CCAR2: variants seen among roughly 807,000 people sequenced by gnomAD.
CCAR2 encodes cell cycle and apoptosis regulator protein 2.
CCAR2 carries 21 observed loss-of-function variants against 108.1 expected under a neutral mutation model. That is an observed-to-expected ratio of 0.19 (90% CI 0.14 to 0.28). The LOEUF (loss-of-function observed/expected upper bound fraction) is 0.28. Among genes scored for constraint, CCAR2 ranks in the 10% least tolerant of loss-of-function variants. CCAR2 has a pLI of 1.00. For synonymous variants in CCAR2, 577 were observed against 472.8 expected, an observed-to-expected ratio of 1.22 and a Z score of -2.86; for missense variants, 1,126 against 1,177.0, an observed-to-expected ratio of 0.96 and a Z score of 0.63.
rs369123974 is a variant in CCAR2, at chr8:22,618,787, G to A, written c.2333-40G>A. The A allele has an allele frequency of 6.8e-6, 11 of 1,613,286 alleles. No individual in the cohort carries two copies. The African/African-American group carries it at 1.1e-4, about 16-fold the overall frequency. On this transcript the variant is annotated intron_variant, in intron 18 of 20. Transcript: ENST00000308511. ...ACGGGCAGGGCAGGCTGCCCTCTCT[G>A]GAGACTCCATCCTGAATTCTTTTTC...
Position 22,618,608 on chromosome 8 carries a change from T to C in CCAR2, c.2221-9T>C. On this transcript the variant is annotated splice_polypyrimidine_tract_variant and intron_variant, in intron 17 of 20. Transcript: ENST00000308511. ...GGGGCCTTCTGATCAGCAGATGTGT[T>C]TTCTGCAGGCCAAGCAGCTGGTCAG... 6.2e-7 allele frequency: 1 copy of C among 1,614,046 alleles called. No individual in the cohort carries two copies. Among genetic ancestry groups the C allele is most frequent in the South Asian group, 1.1e-5 (1 of 91,080 alleles).
rs374484328 is a variant in CCAR2 at position 22,614,190 on chromosome 8, C to G, written c.803C>G (p.Pro268Arg). 20 of 1,614,010 alleles carry G rather than the reference C, an allele frequency of 1.2e-5. No individual in the cohort carries two copies. The highest frequency in any genetic ancestry group is 1.6e-4 in the Middle Eastern group (1 of 6,084). Residue 268 changes from proline to arginine, a missense_variant, in exon 9 of 21, where the codon CCC (proline) becomes CGC (arginine). Physicochemically the swap from Pro to Arg is moderately radical, Grantham distance 103. Coordinates refer to ENST00000308511, the MANE Select transcript of CCAR2 (RefSeq NM_001393997.1). ...CATCTGAGTTGGCTATCAGCCTTCCCCCTGAGCCAGCCCTTTTCCCTCCAT... is the reference window on the plus strand; with the variant it reads ...CATCTGAGTTGGCTATCAGCCTTCCGCCTGAGCCAGCCCTTTTCCCTCCAT... Reference protein sequence around the residue: ...SVHLSWLSAFPLSQPFSLHHP... With the variant: ...SVHLSWLSAFRLSQPFSLHHP...
chr8:22,618,791 A>AC (rs764334243), intron 18 of CCAR2, 36 bp from the exon 19 acceptor site: 33 of 1,612,708 alleles, frequency 2.0e-5, no homozygotes, highest in Non-Finnish European at 2.7e-5. Flanking sequence ...CTCTCTGGAG[A>AC]CTCCATCCTG....
chr8:22,619,111 G>C (rs1372560766), intron 19 of CCAR2, 39 bp from the exon 20 acceptor site: 1 of 1,601,872 alleles, frequency 6.2e-7, no homozygotes, highest in Non-Finnish European at 8.5e-7. Context: ...TCTGGGCCTT[G>C]ATGGAGCAGC....
chr8:22,621,341 G>A, downstream of CCAR2: 3 of 1,506,274 alleles, frequency 2.0e-6, no homozygotes, highest in Non-Finnish European at 2.7e-6. Flanking sequence ...CCCAGCCTGT[G>A]AGAGGAGCAG....
chr8:22,617,300 C>T (rs538663281), intron 14 of CCAR2, 120 bp from the exon 15 acceptor site: 660 of 1,150,958 alleles, frequency 5.7e-4, no homozygotes, highest in Non-Finnish European at 7.4e-4. Flanking sequence ...GAGACGGTAT[C>T]TGTAGAGCCC....
At chr8:22,621,362 G>A (rs781688409), downstream of CCAR2, 6 of 1,556,182 alleles carry the variant, frequency 3.9e-6, no homozygotes, top group African/African-American at 1.4e-5. Flanking sequence ...CTAGCCCTGA[G>A]AAGGGCAAGG....
chr8:22,619,471 G>GTCTT, intron 20 of CCAR2, 116 bp downstream of exon 20: 1 of 1,425,230 alleles, frequency 7.0e-7, no homozygotes, highest in African/African-American at 1.4e-5. Context: ...CACCGGCTTC[G>GTCTT]TCTTTCCATC....
intron 14 of CCAR2, among the ~76,000 whole-genome samples, chr8:22,616,900 G>GAT: frequency 3.5e-5 from 2 of 57,654 alleles, no homozygotes; most frequent in Non-Finnish European, 6.0e-5. Flanking sequence ...TTTTTTTGGG[G>GAT]AGATGGAGTC....
chr8:22,613,859 T>G, intron 8 of CCAR2: 3 of 529,874 alleles, frequency 5.7e-6, no homozygotes, highest in Non-Finnish European at 3.3e-6. Flanking sequence ...CAATGACCCA[T>G]TTCTCTGTCA....
chr8:22,621,158 G>C (rs1801788451), downstream of CCAR2: 1 of 455,116 alleles, frequency 2.2e-6, no homozygotes, highest in African/African-American at 2.0e-5. Context: ...CCGTGGGCCA[G>C]GATGCATGCT....
In CCAR2 at chr8:22,607,231, T is replaced by C. The variant is rs1305141248; in HGVS notation, c.393T>C (p.His131=). ...AGTCCCCAGCACCTCCTCTTCTGCA[T>C]GTAGCAGCCCTGGGCCAGAAGCAAG... The part of the protein sequence containing the change: ...LLKSPAPPLL[H]VAALGQKQGI... Residue 131 remains histidine (H), a synonymous_variant, in exon 6 of 21, where the codon CAT becomes CAC. Transcript: ENST00000308511. 2.6e-5 allele frequency: 42 copies of C among 1,614,054 alleles called. No individual in the cohort carries two copies. Among genetic ancestry groups the C allele is most frequent in the Non-Finnish European group, 3.6e-5 (42 of 1,180,010 alleles).
In CCAR2 at chr8:22,615,778, G is replaced by A. The variant is rs765368730; in HGVS notation, c.1474G>A (p.Glu492Lys). ...AACTCCAGAGGCCACCACACAGCAG[G>A]AAACGGACACTGATCTCCCAGAGGC... ...AETPEATTQQETDTDLPEAPP... is the reference protein window; with the variant it reads ...AETPEATTQQKTDTDLPEAPP... The change falls in exon 13 of 21, where the codon GAA becomes AAA. Residue 492 changes from glutamate (E) to lysine (K), a missense_variant. Glu to Lys is a moderately conservative substitution (Grantham distance 56). Transcript: ENST00000308511. The A allele has an allele frequency of 3.7e-6, 6 of 1,613,940 alleles. No homozygotes were observed. Among genetic ancestry groups the A allele is most frequent in the Non-Finnish European group, 5.1e-6 (6 of 1,180,018 alleles).
rs201630077 is a variant in CCAR2, at chr8:22,617,685, C to G, written c.1991-11C>G. Reference sequence around the variant, plus strand: ...GGGCCCTGCTCTCCATTTATCTTGGCCTTTCTGTAGCAGGAGCAAAGCTGG... The same window carrying G: ...GGGCCCTGCTCTCCATTTATCTTGGGCTTTCTGTAGCAGGAGCAAAGCTGG... On this transcript the variant is annotated splice_polypyrimidine_tract_variant and intron_variant, in intron 15 of 20. Transcript: ENST00000308511. 44 of 1,614,152 alleles carry G rather than the reference C, an allele frequency of 2.7e-5. No homozygotes were observed. The highest frequency in any genetic ancestry group is 3.6e-5 in the Non-Finnish European group (42 of 1,180,012).
At position 22,616,026 on chromosome 8, in the gene CCAR2, C is replaced by G. The variant is rs747890171; in HGVS notation, c.1623C>G (p.Ala541=). Residue 541 remains alanine, a synonymous_variant, in exon 14 of 21, where the codon GCC becomes GCG. Transcript: ENST00000308511. ...ERISFEVMVL[A]ELFLEMLQRD... is the part of the protein sequence containing the mutation. ...CTCCCCATCAGGTGATGGTGCTGGC[C>G]GAGCTGTTTCTGGAGATGCTCCAGA... 3.7e-6 allele frequency: 6 copies of G among 1,613,984 alleles called. No individual in the cohort carries two copies. Among genetic ancestry groups the G allele is most frequent in the Non-Finnish European group, 4.2e-6 (5 of 1,179,998 alleles).
At position 22,616,143 on chromosome 8, in the gene CCAR2, G is replaced by GGAAGAAGCCACC. The variant is rs773809779; in HGVS notation, c.1741_1752dup (p.Glu581_Thr584dup). On this transcript the variant is annotated inframe_insertion, in exon 14 of 21. Transcript: ENST00000308511. Reference sequence around the variant, plus strand: ...AACCTGAGAAGGAGGAGGCGGCCAAGGAAGAAGCCACCAAGGAGGAAGAAG... The same window carrying GGAAGAAGCCACC: ...AACCTGAGAAGGAGGAGGCGGCCAAGGAAGAAGCCACCGAAGAAGCCACCAAGGAGGAAGAAG... 3 of 1,613,986 alleles carry GGAAGAAGCCACC rather than the reference G, an allele frequency of 1.9e-6. No individual in the cohort carries two copies. The South Asian group carries it at 3.3e-5, about 18-fold the overall frequency.
chr8:22,613,502 C>A (rs1255753738), intron 8 of CCAR2, among the ~76,000 whole-genome samples: 1 of 152,072 alleles, frequency 6.6e-6, no homozygotes, highest in East Asian at 1.9e-4. Flanking sequence ...TTGTTGCGAT[C>A]AATTTCTAGA....
chr8:22,620,502 C>T (rs1410273676), downstream of CCAR2: 1 of 147,272 alleles, frequency 6.8e-6, no homozygotes, highest in Non-Finnish European at 1.5e-5. Flanking sequence ...GCTCTTCCTA[C>T]TCTCCTAGGC....
chr8:22,613,864 C>T, intron 8 of CCAR2: 1 of 539,314 alleles, frequency 1.9e-6, no homozygotes, highest in South Asian at 2.6e-5. Context: ...ACCCATTTCT[C>T]TGTCATGTGT....
Sources: gnomAD v4.1 joint callset for allele counts (sites outside exome capture counted in the v4.1 genomes callset) on GRCh38, gnomAD v4.1.1 for gene constraint, MANE v1.5 for transcripts, NCBI Gene and HGNC (gene_info 2026-07-23, HGNC 2026-07-21) for gene names.